The following TMTC2 variants were observed in gnomAD, a reference collection of about 807,000 sequenced individuals.
TMTC2 encodes the protein protein O-mannosyl-transferase TMTC2.
Under a neutral mutation model 82.4 loss-of-function variants are expected in TMTC2, and 43 were observed. The ratio of observed to expected loss-of-function variants is 0.52; its 90% CI spans 0.41 to 0.67. TMTC2 has a LOEUF of 0.67. Among genes scored for constraint, TMTC2 ranks in the 30% least tolerant of loss-of-function variants. TMTC2 has a pLI of 0.00. For missense variants in TMTC2, 919 were observed against 1,012.4 expected (o/e 0.91, Z 1.25); for synonymous variants, 408 against 381.9 (o/e 1.07, Z -0.80).
chr12:83,073,100 T>A (rs1592729728), intron 11 of TMTC2, among the ~76,000 whole-genome samples: 2 of 152,248 alleles, frequency 1.3e-5, no homozygotes, highest in East Asian at 3.9e-4. Context: ...TTTTGTTTCA[T>A]AGATCCTGTG....
At chr12:82,781,700 TTG>T (rs1488150966) in intron 1 of TMTC2, among the ~76,000 whole-genome samples, 1 of 145,458 alleles carries the variant, frequency 6.9e-6, no homozygotes, top group Non-Finnish European at 1.5e-5. Flanking sequence ...GTTATTATTA[TTG>T]TTTTTTTTTT....
At chr12:82,802,360 G>A (rs529341901) in intron 1 of TMTC2, among the ~76,000 whole-genome samples, 6 of 152,260 alleles carry the variant, frequency 3.9e-5, no homozygotes, top group East Asian at 3.9e-4. Context: ...TGAGGGAGCC[G>A]GCTCCGGCTT....
chr12:82,761,713 C>T (rs542884005), intron 1 of TMTC2, among the ~76,000 whole-genome samples: 2 of 152,236 alleles, frequency 1.3e-5, no homozygotes, highest in East Asian at 1.9e-4. Context: ...CCCATTAATG[C>T]TAGTGCTGTG....
At chr12:82,856,983 G>A in intron 1 of TMTC2, 27 bp from the exon 2 acceptor site, 1 of 1,573,908 alleles carries the variant, frequency 6.4e-7, no homozygotes, top group Non-Finnish European at 8.6e-7. Flanking sequence ...TTTTACATTT[G>A]ATTTTTTTTA....
chr12:82,825,131 G>A (rs550521582), intron 1 of TMTC2, among the ~76,000 whole-genome samples: 2 of 151,738 alleles, frequency 1.3e-5, no homozygotes, highest in African/African-American at 4.8e-5. Flanking sequence ...CAGATCAGAA[G>A]ACACTGTATG....
intron 2 of TMTC2, among the ~76,000 whole-genome samples, chr12:82,874,041 G>A (rs1872350480): frequency 6.6e-6 from 1 of 152,176 alleles, no homozygotes; most frequent in Admixed American, 6.5e-5. Context: ...GACAGTTGCT[G>A]ATTTACATCA....
At chr12:82,740,793 A>G (rs1281006017) in intron 1 of TMTC2, among the ~76,000 whole-genome samples, 1 of 152,174 alleles carries the variant, frequency 6.6e-6, no homozygotes, top group Admixed American at 6.5e-5. Context: ...CTGTGAGTCC[A>G]TGGAGAACAG....
intron 1 of TMTC2, among the ~76,000 whole-genome samples, chr12:82,829,474 A>G: frequency 6.6e-6 from 1 of 152,118 alleles, no homozygotes; most frequent in Admixed American, 6.6e-5. Context: ...TTAAAAGAGA[A>G]TTTACACCAT....
At chr12:82,775,860 T>A (rs2137001747) in intron 1 of TMTC2, among the ~76,000 whole-genome samples, 1 of 152,234 alleles carries the variant, frequency 6.6e-6, no homozygotes, top group East Asian at 1.9e-4. Flanking sequence ...ATGCTTCGTT[T>A]GATTTTTTCT....
chr12:82,835,716 G>A (rs1035727001), intron 1 of TMTC2, among the ~76,000 whole-genome samples: 7 of 152,126 alleles, frequency 4.6e-5, no homozygotes, highest in Non-Finnish European at 1.0e-4. Flanking sequence ...TCACTTGTTG[G>A]AGTTCTATTG....
rs574892802 is a variant in TMTC2, at chr12:83,028,679, G to T, written c.2071-2119G>T. On this transcript the variant is annotated intron_variant, in intron 8 of 11. Coordinates refer to ENST00000321196, the MANE Select transcript of TMTC2 (RefSeq NM_152588.3). ...TTACAAGTTGAAATAATTTTCCAAG[G>T]GTCACATAGCTAAACAAGTGTGGGA... 1.8e-3 allele frequency among the ~76,000 whole-genome samples: 271 copies of T among 152,018 alleles called. 1 individual carries two copies. The highest frequency in any genetic ancestry group is 6.3e-3 in the African/African-American group (261 of 41,468).
intron 1 of TMTC2, among the ~76,000 whole-genome samples, chr12:82,783,903 T>C (rs1878035291): frequency 6.6e-6 from 1 of 152,062 alleles, no homozygotes; most frequent in Non-Finnish European, 1.5e-5. Flanking sequence ...GGATTGCACC[T>C]CTCTCTGCCT....
intron 7 of TMTC2, among the ~76,000 whole-genome samples, chr12:82,981,314 A>T (rs762431253): frequency 1.3e-5 from 2 of 151,898 alleles, no homozygotes; most frequent in Non-Finnish European, 2.9e-5. Context: ...AGTCAGTGAG[A>T]TGTAGACTAT....
intron 8 of TMTC2, among the ~76,000 whole-genome samples, chr12:83,022,764 T>C (rs1457903567): frequency 6.6e-6 from 1 of 152,012 alleles, no homozygotes; most frequent in Non-Finnish European, 1.5e-5. Flanking sequence ...ATCCCTACAG[T>C]AAAATGAGCC....
chr12:82,813,089 A>G (rs1253680575), intron 1 of TMTC2, among the ~76,000 whole-genome samples: 1 of 151,560 alleles, frequency 6.6e-6, no homozygotes, highest in Non-Finnish European at 1.5e-5. Flanking sequence ...CCTCACTGTA[A>G]TAGTGTTTAT....
chr12:83,103,618 A>G (rs1311151892), intron 11 of TMTC2, among the ~76,000 whole-genome samples: 2 of 152,160 alleles, frequency 1.3e-5, no homozygotes, highest in South Asian at 2.1e-4. Context: ...AACAAGCCCC[A>G]CTTCCAACAT....
At chr12:83,013,023 G>T (rs1481500840) in intron 8 of TMTC2, among the ~76,000 whole-genome samples, 2 of 152,094 alleles carry the variant, frequency 1.3e-5, no homozygotes, top group Non-Finnish European at 2.9e-5. Flanking sequence ...AAAGATTATA[G>T]AAGAAGCAAG....
At chr12:82,770,424 T>A (rs920456753) in intron 1 of TMTC2, among the ~76,000 whole-genome samples, 5 of 152,108 alleles carry the variant, frequency 3.3e-5, no homozygotes, top group Non-Finnish European at 5.9e-5. Context: ...TTCAGTAGGA[T>A]TTTTCCATCT....
intron 8 of TMTC2, among the ~76,000 whole-genome samples, chr12:83,025,349 G>A (rs1881116502): frequency 6.6e-6 from 1 of 150,782 alleles, no homozygotes; most frequent in Admixed American, 6.6e-5. Flanking sequence ...TTTACATTAG[G>A]GGAAAAAGTA....
Sources: allele counts gnomAD v4.1 joint callset (sites outside exome capture counted in the v4.1 genomes callset), GRCh38; gene constraint gnomAD v4.1.1; transcripts MANE v1.5; gene names NCBI Gene and HGNC (gene_info 2026-07-23, HGNC 2026-07-21).